Variants in PHAX observed in about 807,000 individuals in gnomAD.
PHAX encodes phosphorylated adapter RNA export protein.
A neutral mutation model predicts 41.6 loss-of-function variants in PHAX; 31 were observed. That is an observed-to-expected ratio of 0.75 (90% CI 0.56 to 1.01). The LOEUF (loss-of-function observed/expected upper bound fraction) is 1.01, where lower values mean the gene tolerates loss of function less well. Ranked by LOEUF, PHAX falls within the 50% of genes least tolerant of loss-of-function variation. The pLI is 0.00. For missense variants in PHAX, 453 were observed against 472.9 expected (o/e 0.96, Z 0.39); for synonymous variants, 175 against 164.9 (o/e 1.06, Z -0.47).
intron 1 of PHAX, among the ~76,000 whole-genome samples, chr5:126,602,856 T>G (rs185359894): frequency 6.3e-4 from 96 of 151,908 alleles, no homozygotes; most frequent in African/African-American, 2.1e-3. Flanking sequence ...TACAAAAAAA[T>G]TAGCTGGGCG....
intron 4 of PHAX, among the ~76,000 whole-genome samples, chr5:126,618,955 C>T (rs561700301): frequency 2.2e-4 from 34 of 152,196 alleles, no homozygotes; most frequent in African/African-American, 7.9e-4. Flanking sequence ...CACGCCCGGC[C>T]GGAGACAAAG....
intron 4 of PHAX, among the ~76,000 whole-genome samples, chr5:126,619,414 C>T (rs979611756): frequency 4.0e-5 from 6 of 151,884 alleles, no homozygotes; most frequent in African/African-American, 1.5e-4. Flanking sequence ...CCCGACCCTA[C>T]TCAATACAAA....
intron 3 of PHAX, among the ~76,000 whole-genome samples, chr5:126,616,047 C>CTT (rs35245075): frequency 1.3e-3 from 155 of 123,746 alleles, no homozygotes; most frequent in South Asian, 4.7e-3. Flanking sequence ...CAACCACCAA[C>CTT]TTTTTTTTTT....
intron 4 of PHAX, among the ~76,000 whole-genome samples, chr5:126,620,052 T>C (rs117467212): frequency 6.6e-6 from 1 of 152,332 alleles, no homozygotes; most frequent in East Asian, 1.9e-4. Flanking sequence ...GTCCAGGTAA[T>C]TGCATTTTGC....
intron 3 of PHAX, among the ~76,000 whole-genome samples, chr5:126,612,901 T>A (rs1752127694): frequency 6.6e-6 from 1 of 152,044 alleles, no homozygotes; most frequent in South Asian, 2.1e-4. Flanking sequence ...AGATGGAGGA[T>A]GTAAGAAAAG....
rs1751951215 is a variant in PHAX, at chr5:126,604,112, G to T, written c.639G>T (p.Met213Ile). The T allele has an allele frequency of 6.2e-7, 1 of 1,605,708 alleles. No individual in the cohort carries two copies. The highest frequency in any genetic ancestry group is 2.2e-5 in the East Asian group (1 of 44,824). ...ACAGGCTAGGGAACAGACCAGAAAT[G>T]AACTATAAAGGTCGATACGAGATCA... The part of the protein sequence containing the change: ...VKDRLGNRPE[M>I]NYKGRYEITA... The change falls in exon 2 of 5, where the codon ATG becomes ATT. Residue 213 changes from methionine to isoleucine, a missense_variant. Met to Ile is a conservative substitution (Grantham distance 10, BLOSUM62 1). Coordinates refer to ENST00000297540, the MANE Select transcript of PHAX (RefSeq NM_032177.4).
intron 1 of PHAX, among the ~76,000 whole-genome samples, chr5:126,601,332 G>A (rs1352566601): frequency 6.6e-6 from 1 of 152,186 alleles, no homozygotes. Flanking sequence ...CTCCCTGCGA[G>A]GCGGGGCGCG....
intron 2 of PHAX, among the ~76,000 whole-genome samples, chr5:126,604,512 G>C (rs531359757): frequency 1.1e-4 from 16 of 152,086 alleles, no homozygotes; most frequent in East Asian, 1.9e-4. Context: ...GGATCCACCC[G>C]CCTTTGCCTC....
At chr5:126,606,346 C>T (rs780576152) in intron 2 of PHAX, among the ~76,000 whole-genome samples, 3 of 152,018 alleles carry the variant, frequency 2.0e-5, no homozygotes, top group Non-Finnish European at 4.4e-5. Flanking sequence ...CAGCCATGTG[C>T]TACAACGCCC....
rs942635498 is a variant in PHAX, at chr5:126,625,590, CTG to C, written c.*748_*749del. ...CCAGCCTGGGCGACAGAGCAAGACT[CTG>C]TCTCAAAAAAAAAAAAAAATACAAT... On this transcript the variant is annotated 3_prime_UTR_variant, in exon 5 of 5. Transcript: ENST00000297540. The C allele has an allele frequency of 2.2e-5, 3 of 134,106 alleles. No homozygotes were observed. The highest frequency in any genetic ancestry group is 4.6e-5 in the Non-Finnish European group (3 of 65,380). The allele number at this position is 134,106 out of a possible 1,614,324, so 8.3% of individuals were successfully genotyped here. A position where few individuals can be genotyped will look rare whatever the true frequency, so the allele number is the denominator to read the frequency against.
In PHAX at chr5:126,617,961, C is replaced by T. The variant is rs1018860647; in HGVS notation, c.915+628C>T. Among the ~76,000 whole-genome samples, 3 of 151,762 alleles carry T rather than the reference C, an allele frequency of 2.0e-5. No individual in the cohort carries two copies. The East Asian group carries it at 5.8e-4, about 30-fold the overall frequency. ...TCTATTTCTTTCTTTCTTTTTTCCC[C>T]TTGAGACAGGGTCTAAGGACCTGGC... On this transcript the variant is annotated intron_variant, in intron 4 of 4. Coordinates refer to ENST00000297540, the MANE Select transcript of PHAX (RefSeq NM_032177.4).
intron 4 of PHAX, among the ~76,000 whole-genome samples, chr5:126,623,481 C>T (rs1397095788): frequency 1.3e-5 from 2 of 152,120 alleles, no homozygotes; most frequent in Non-Finnish European, 2.9e-5. Flanking sequence ...ATGCCTGGTA[C>T]GTAAAAGTAC....
chr5:126,624,949 G>A lies in PHAX; in HGVS notation c.*105G>A, dbSNP rs1180242325. 5.1e-6 allele frequency: 5 copies of A among 985,086 alleles called. No homozygotes were observed. The Admixed American group carries it at 1.1e-4, about 21-fold the overall frequency. The allele number at this position is 985,086 out of a possible 1,614,324, so 61.0% of individuals were successfully genotyped here. On this transcript the variant is annotated 3_prime_UTR_variant, in exon 5 of 5. Transcript: ENST00000297540. ...TTGCACTGATAAACATGAGAATCTG[G>A]AGGAAAGACAATTGTTTTCTTGTTT... is the stretch of plus-strand genomic sequence containing the variant.
At chr5:126,606,055 T>C (rs2112829867) in intron 2 of PHAX, among the ~76,000 whole-genome samples, 1 of 152,338 alleles carries the variant, frequency 6.6e-6, no homozygotes, top group Admixed American at 6.5e-5. Flanking sequence ...CTACTTTCTG[T>C]CTATAAATTT....
intron 3 of PHAX, among the ~76,000 whole-genome samples, chr5:126,609,396 C>T (rs1435004426): frequency 5.9e-5 from 9 of 151,980 alleles, no homozygotes; most frequent in Non-Finnish European, 7.4e-5. Flanking sequence ...CCACTGCACC[C>T]GGCCAAAGGG....
intron 4 of PHAX, among the ~76,000 whole-genome samples, chr5:126,621,976 A>T (rs1752280197): frequency 6.6e-6 from 1 of 152,014 alleles, no homozygotes; most frequent in South Asian, 2.1e-4. Flanking sequence ...TTATTTTTTT[A>T]ATTTTTGAGA....
At chr5:126,605,930 A>T (rs1264653828) in intron 2 of PHAX, among the ~76,000 whole-genome samples, 1 of 152,196 alleles carries the variant, frequency 6.6e-6, no homozygotes, top group African/African-American at 2.4e-5. Flanking sequence ...TTTAGGAAAC[A>T]TATCAAGTTG....
intron 3 of PHAX, among the ~76,000 whole-genome samples, chr5:126,612,820 G>A (rs1752125600): frequency 6.6e-6 from 1 of 152,202 alleles, no homozygotes; most frequent in African/African-American, 2.4e-5. Context: ...TGGTAGCAGT[G>A]GGGTGAAGGA....
intron 4 of PHAX, among the ~76,000 whole-genome samples, chr5:126,620,588 T>C (rs1159333893): frequency 1.3e-5 from 2 of 152,228 alleles, no homozygotes; most frequent in Non-Finnish European, 2.9e-5. Flanking sequence ...TATGTCTTTG[T>C]AATTCAGTTA....
Sources: gnomAD v4.1 joint callset for allele counts (sites outside exome capture counted in the v4.1 genomes callset) on GRCh38, gnomAD v4.1.1 for gene constraint, MANE v1.5 for transcripts, NCBI Gene and HGNC (gene_info 2026-07-23, HGNC 2026-07-21) for gene names.